Variants in TMEM178B observed in about 807,000 individuals in gnomAD.
The protein encoded by TMEM178B is transmembrane protein 178B.
A neutral mutation model predicts 31.0 loss-of-function variants in TMEM178B; 5 were observed. The observed-to-expected ratio is 0.16, with a 90% confidence interval of 0.08 to 0.34. The LOEUF (loss-of-function observed/expected upper bound fraction) is 0.34, where lower values mean the gene tolerates loss of function less well. TMEM178B is among the 10% of genes least tolerant of loss of function. TMEM178B has a pLI of 1.00. For synonymous variants in TMEM178B, 164 were observed against 164.0 expected (o/e 1.00, Z 0.00); for missense variants, 275 against 400.3 (o/e 0.69, Z 2.67).
intron 2 of TMEM178B, among the ~76,000 whole-genome samples, chr7:141,216,479 G>A (rs1228242450): frequency 7.0e-6 from 1 of 142,696 alleles, no homozygotes; most frequent in African/African-American, 2.6e-5. Flanking sequence ...GTGTGTGGGT[G>A]TGTGGTGGGG....
intron 3 of TMEM178B, among the ~76,000 whole-genome samples, chr7:141,468,355 C>T (rs1181720461): frequency 2.6e-5 from 4 of 152,124 alleles, no homozygotes; most frequent in Non-Finnish European, 5.9e-5. Context: ...TAACCCATGC[C>T]GAGTGAGAGA....
rs763975023 is a variant in TMEM178B at position 141,215,788 on chromosome 7, TTCTTTCTTTCTTTCTTTCTTTC to T, written c.496+3086_496+3107del. ...GAATTATATACTTTCCTTTCTTTCT[TTCTTTCTTTCTTTCTTTCTTTC>T]TTTCTTTCTTTCTTTCTTTCTTTCT... On this transcript the variant is annotated intron_variant, in intron 2 of 3. Coordinates refer to ENST00000565468, the MANE Select transcript of TMEM178B (RefSeq NM_001195278.2). 3.5e-3 allele frequency among the ~76,000 whole-genome samples: 234 copies of T among 67,724 alleles called. 3 individuals are homozygous for T. Among genetic ancestry groups the T allele is most frequent in the African/African-American group, 0.011 (227 of 19,996 alleles). 44.4% of individuals were successfully genotyped at this position (67,724 alleles called of 152,430 possible). A position where few individuals can be genotyped will look rare whatever the true frequency, so the allele number is the denominator to read the frequency against.
intron 2 of TMEM178B, among the ~76,000 whole-genome samples, chr7:141,292,294 AT>A (rs1221548780): frequency 6.6e-6 from 1 of 152,242 alleles, no homozygotes; most frequent in Non-Finnish European, 1.5e-5. Context: ...ACTGTGTCAT[AT>A]TCTTTGACAT....
Position 141,380,367 on chromosome 7 carries a change from T to TA in TMEM178B, c.497-57235dup, listed in dbSNP as rs566928242. 1.6e-4 allele frequency among the ~76,000 whole-genome samples: 24 copies of TA among 152,334 alleles called. 1 individual carries two copies. The South Asian group carries it at 4.8e-3, about 30-fold the overall frequency. ...ACTCTATGTTTCTTATATTCAATTG[T>TA]AAAAAACTTTCTGCAGCTTTAGAAA... On this transcript the variant is annotated intron_variant, in intron 2 of 3. Transcript: ENST00000565468.
At chr7:141,413,167 C>G (rs1238413851) in intron 2 of TMEM178B, among the ~76,000 whole-genome samples, 2 of 152,172 alleles carry the variant, frequency 1.3e-5, no homozygotes, top group Non-Finnish European at 1.5e-5. Flanking sequence ...TATGCCACCC[C>G]CATCCTCTGC....
chr7:141,509,599 G>A, the TMEM178B span, among the ~76,000 whole-genome samples: 2 of 152,118 alleles, frequency 1.3e-5, no homozygotes, highest in African/African-American at 4.8e-5. Flanking sequence ...GCAGTGAGCC[G>A]AGATTGTACC....
chr7:141,140,911 G>A (rs893368879), intron 1 of TMEM178B, among the ~76,000 whole-genome samples: 12 of 152,282 alleles, frequency 7.9e-5, no homozygotes, highest in Middle Eastern at 6.8e-3. Context: ...TTGATCACCT[G>A]AATGGGGTAG....
At chr7:141,317,519 C>T (rs915880321) in intron 2 of TMEM178B, among the ~76,000 whole-genome samples, 5 of 152,096 alleles carry the variant, frequency 3.3e-5, no homozygotes, top group African/African-American at 1.2e-4. Context: ...TAGCGCTAGA[C>T]CTGGAGAAAA....
At chr7:141,112,309 A>G (rs999593981) in intron 1 of TMEM178B, among the ~76,000 whole-genome samples, 2 of 152,156 alleles carry the variant, frequency 1.3e-5, no homozygotes, top group Admixed American at 1.3e-4. Context: ...CTAGAGTGCA[A>G]TGGCATGACC....
At chr7:141,409,797 C>A (rs2116632599) in intron 2 of TMEM178B, among the ~76,000 whole-genome samples, 1 of 151,926 alleles carries the variant, frequency 6.6e-6, no homozygotes, top group South Asian at 2.1e-4. Flanking sequence ...AAGCTGGGCC[C>A]CTCTATCAAG....
intron 2 of TMEM178B, among the ~76,000 whole-genome samples, chr7:141,332,973 C>T (rs972674522): frequency 5.3e-5 from 8 of 152,174 alleles, no homozygotes; most frequent in Non-Finnish European, 7.3e-5. Flanking sequence ...GAGCGCTTAG[C>T]GGAAGAGTTG....
intron 2 of TMEM178B, among the ~76,000 whole-genome samples, chr7:141,353,046 A>G (rs1799761900): frequency 6.6e-6 from 1 of 151,820 alleles, no homozygotes; most frequent in South Asian, 2.1e-4. Context: ...TTCAAACACA[A>G]AGTCCCGTGG....
At chr7:141,404,055 C>T (rs1047935527) in intron 2 of TMEM178B, among the ~76,000 whole-genome samples, 8 of 152,224 alleles carry the variant, frequency 5.3e-5, no homozygotes, top group Non-Finnish European at 7.3e-5. Context: ...CCTGTAATCC[C>T]AGCACTCTGG....
intron 2 of TMEM178B, among the ~76,000 whole-genome samples, chr7:141,234,817 G>A (rs1004518282): frequency 6.6e-6 from 1 of 152,204 alleles, no homozygotes; most frequent in Non-Finnish European, 1.5e-5. Flanking sequence ...GGTCAGTTCT[G>A]TGCCGTCTAT....
chr7:141,225,820 G>T (rs1189121111), intron 2 of TMEM178B, among the ~76,000 whole-genome samples: 1 of 152,082 alleles, frequency 6.6e-6, no homozygotes, highest in Non-Finnish European at 1.5e-5. Flanking sequence ...CCCTTGATGT[G>T]CCCTGTGTAG....
intron 2 of TMEM178B, among the ~76,000 whole-genome samples, chr7:141,217,874 C>G (rs1797185459): frequency 6.6e-6 from 1 of 152,068 alleles, no homozygotes; most frequent in African/African-American, 2.4e-5. Context: ...GGAGCTGGAG[C>G]TCTACTTTCC....
intron 2 of TMEM178B, among the ~76,000 whole-genome samples, chr7:141,220,172 G>A (rs969776896): frequency 4.1e-5 from 6 of 147,604 alleles, no homozygotes; most frequent in Non-Finnish European, 7.4e-5. Flanking sequence ...ACAAAAATTA[G>A]CTGGGCGTGG....
intron 3 of TMEM178B, among the ~76,000 whole-genome samples, chr7:141,463,854 G>A (rs1193743355): frequency 1.3e-5 from 2 of 152,230 alleles, no homozygotes; most frequent in Admixed American, 6.5e-5. Context: ...ATGCACTCAG[G>A]TAAGGCCAGA....
At chr7:141,390,096 G>A (rs1477690031) in intron 2 of TMEM178B, among the ~76,000 whole-genome samples, 2 of 151,918 alleles carry the variant, frequency 1.3e-5, no homozygotes, top group Non-Finnish European at 2.9e-5. Context: ...TTTCCTCTCA[G>A]GTTAAAATTC....
Sources: gnomAD v4.1 joint callset for allele counts (sites outside exome capture counted in the v4.1 genomes callset) on GRCh38, gnomAD v4.1.1 for gene constraint, MANE v1.5 for transcripts, NCBI Gene and HGNC (gene_info 2026-07-23, HGNC 2026-07-21) for gene names.